SYCP1: variants seen among roughly 807,000 people sequenced by gnomAD.
SYCP1 encodes cancer/testis antigen 8.
In SYCP1, 64 loss-of-function variants were observed where a neutral mutation model predicts 153.1. The observed-to-expected ratio is 0.42, with a 90% confidence interval of 0.34 to 0.51. The LOEUF (loss-of-function observed/expected upper bound fraction) is 0.51. SYCP1 is among the 20% of genes least tolerant of loss of function. The pLI is 0.06. For missense variants in SYCP1, 997 were observed against 1,049.0 expected (o/e 0.95, Z 0.68); for synonymous variants, 384 against 341.8 (o/e 1.12, Z -1.36).
At chr1:114,862,762 T>C (rs1664464115) in intron 8 of SYCP1, 1 of 152,244 alleles carries the variant, frequency 6.6e-6, no homozygotes, top group Non-Finnish European at 1.5e-5. Context: ...TGTCTTGATG[T>C]GACATGTAGA....
intron 25 of SYCP1, 28 bp from the exon 26 acceptor site, chr1:114,946,261 T>A: frequency 7.6e-7 from 1 of 1,320,236 alleles, no homozygotes; most frequent in Non-Finnish European, 1.0e-6. Context: ...TTTTAATATA[T>A]CTAAAATGTC....
At chr1:114,868,382 C>T (rs189646065) in intron 8 of SYCP1, among the ~76,000 whole-genome samples, 107 of 152,218 alleles carry the variant, frequency 7.0e-4, no homozygotes, top group Admixed American at 2.4e-3. Context: ...CTCAAGCAAT[C>T]CTTTCACTTC....
chr1:114,972,258 A>C (rs192216328), intron 27 of SYCP1, among the ~76,000 whole-genome samples: 3 of 151,348 alleles, frequency 2.0e-5, no homozygotes, highest in Admixed American at 2.0e-4. Flanking sequence ...TATTGATTGT[A>C]ATGTCTCCTT....
At chr1:114,958,929 C>CAA (rs202044089) in intron 27 of SYCP1, among the ~76,000 whole-genome samples, 146 of 107,280 alleles carry the variant, frequency 1.4e-3, no homozygotes, top group Middle Eastern at 4.9e-3. Context: ...GACTCCGTCT[C>CAA]AAAAAAAAAA....
At chr1:114,897,085 C>CG (rs1175414480) in intron 16 of SYCP1, among the ~76,000 whole-genome samples, 3 of 152,156 alleles carry the variant, frequency 2.0e-5, no homozygotes, top group Non-Finnish European at 2.9e-5. Flanking sequence ...GGAGGTTCTC[C>CG]GGGGAGACCT....
At chr1:114,867,925 G>A (rs1479958675) in intron 8 of SYCP1, among the ~76,000 whole-genome samples, 1 of 151,936 alleles carries the variant, frequency 6.6e-6, no homozygotes, top group Non-Finnish European at 1.5e-5. Context: ...GATTGAGCAA[G>A]TTCCCTTCTA....
At chr1:114,979,516 A>G (rs1673015327) in intron 28 of SYCP1, among the ~76,000 whole-genome samples, 1 of 151,688 alleles carries the variant, frequency 6.6e-6, no homozygotes, top group Non-Finnish European at 1.5e-5. Context: ...TTAAATTGTC[A>G]TTCTCCTACC....
At chr1:114,956,957 A>T (rs1313793252) in intron 27 of SYCP1, among the ~76,000 whole-genome samples, 1 of 150,382 alleles carries the variant, frequency 6.6e-6, no homozygotes, top group African/African-American at 2.4e-5. Flanking sequence ...AGGGAAATAT[A>T]ACCTCACCAA....
At chr1:114,857,160 G>GAA (rs1557747313) in intron 3 of SYCP1, 72 bp from the exon 4 acceptor site, 5 of 595,886 alleles carry the variant, frequency 8.4e-6, no homozygotes, top group South Asian at 3.1e-5. Flanking sequence ...AAAAAAAAGA[G>GAA]AAAAAAGAAA....
intron 6 of SYCP1, 174 bp from the exon 7 acceptor site, chr1:114,859,569 C>A: frequency 4.1e-6 from 1 of 242,488 alleles, no homozygotes; most frequent in South Asian, 8.1e-5. Context: ...TGATGAAGGC[C>A]ATATTCTTAA....
chr1:114,915,193 A>G (rs1668442786), intron 20 of SYCP1, among the ~76,000 whole-genome samples: 1 of 152,222 alleles, frequency 6.6e-6, no homozygotes, highest in Non-Finnish European at 1.5e-5. Flanking sequence ...GAACTCAGGT[A>G]GCAGCATCAA....
intron 8 of SYCP1, among the ~76,000 whole-genome samples, chr1:114,869,046 A>T (rs1290240181): frequency 1.3e-5 from 2 of 151,660 alleles, no homozygotes; most frequent in Non-Finnish European, 2.9e-5. Flanking sequence ...CATGGTTTTT[A>T]CTCTAATTTT....
chr1:114,928,816 A>C (rs1669432348), intron 23 of SYCP1, among the ~76,000 whole-genome samples: 1 of 152,212 alleles, frequency 6.6e-6, no homozygotes, highest in African/African-American at 2.4e-5. Flanking sequence ...TCCTTAGAGC[A>C]ACCCCTACAA....
chr1:114,977,333 G>A (rs573207741), intron 27 of SYCP1, among the ~76,000 whole-genome samples: 3 of 151,792 alleles, frequency 2.0e-5, no homozygotes, highest in African/African-American at 7.2e-5. Context: ...AAAGTCCACA[G>A]ATATACACTA....
At chr1:114,988,907 C>T (rs1673719271) in intron 30 of SYCP1, among the ~76,000 whole-genome samples, 2 of 151,926 alleles carry the variant, frequency 1.3e-5, no homozygotes, top group South Asian at 4.1e-4. Context: ...ATGGGCTGGG[C>T]ACAGTGGCTC....
chr1:114,989,279 A>G (rs897952170), intron 30 of SYCP1, among the ~76,000 whole-genome samples: 2 of 151,990 alleles, frequency 1.3e-5, no homozygotes, highest in African/African-American at 4.8e-5. Flanking sequence ...ATAAATTTGA[A>G]TTAGATTGTT....
chr1:114,878,615 C>G (rs1301104797), intron 12 of SYCP1, among the ~76,000 whole-genome samples: 1 of 152,150 alleles, frequency 6.6e-6, no homozygotes, highest in Non-Finnish European at 1.5e-5. Context: ...ACAATCTTGG[C>G]TCACTGCAAC....
At chr1:114,904,368 G>A (rs1005644758) in intron 16 of SYCP1, among the ~76,000 whole-genome samples, 28 of 151,876 alleles carry the variant, frequency 1.8e-4, no homozygotes, top group South Asian at 4.2e-4. Context: ...TGCCCACCTC[G>A]GCCTCCCAAA....
chr1:114,876,437 G>T (rs1665540362), intron 10 of SYCP1, among the ~76,000 whole-genome samples: 1 of 151,268 alleles, frequency 6.6e-6, no homozygotes, highest in Non-Finnish European at 1.5e-5. Context: ...TAAAATAATT[G>T]TATATGTATC....
Sources: allele counts gnomAD v4.1 joint callset (sites outside exome capture counted in the v4.1 genomes callset), GRCh38; gene constraint gnomAD v4.1.1; transcripts MANE v1.5; gene names NCBI Gene and HGNC (gene_info 2026-07-23, HGNC 2026-07-21).